Variants in SYNE1 observed in about 807,000 individuals in gnomAD.
SYNE1 encodes nesprin-1.
A neutral mutation model predicts 1,111.0 loss-of-function variants in SYNE1; 616 were observed. The observed-to-expected ratio is 0.55, with a 90% CI of 0.52 to 0.59. The LOEUF is 0.59. SYNE1 is among the 20% of genes least tolerant of loss of function. The pLI is 0.00. For missense variants in SYNE1, 10,006 were observed against 10,417.0 expected, an observed-to-expected ratio of 0.96 and a Z score of 1.72; for synonymous variants, 3,855 against 3,825.8, an observed-to-expected ratio of 1.01 and a Z score of -0.28.
intron 125 of SYNE1, 88 bp from the exon 126 acceptor site, chr6:152,206,450 C>T (rs1587800920): frequency 7.0e-7 from 1 of 1,428,044 alleles, no homozygotes; most frequent in Non-Finnish European, 9.7e-7. Flanking sequence ...TAACTTTTGC[C>T]CTCTTTCATC....
At chr6:152,474,779 T>C (rs1001395888) in intron 14 of SYNE1, 3 of 152,204 alleles carry the variant, frequency 2.0e-5, no homozygotes, top group Non-Finnish European at 4.4e-5. Flanking sequence ...GTTAAATATC[T>C]AAGGTCAAAT....
At chr6:152,634,642 A>G (rs1565328570) in intron 2 of SYNE1, among the ~76,000 whole-genome samples, 1 of 152,258 alleles carries the variant, frequency 6.6e-6, no homozygotes, top group Non-Finnish European at 1.5e-5. Flanking sequence ...CAGAGTAACA[A>G]TAAGAAATGA....
chr6:152,611,966 C>T (rs897994289), intron 3 of SYNE1, among the ~76,000 whole-genome samples: 5 of 151,776 alleles, frequency 3.3e-5, no homozygotes, highest in Admixed American at 6.6e-5. Context: ...AAAGACACAG[C>T]ATACCAGAAT....
chr6:152,532,445 T>C (rs2099208186), intron 4 of SYNE1, among the ~76,000 whole-genome samples: 1 of 152,190 alleles, frequency 6.6e-6, no homozygotes. Flanking sequence ...ATCCTATGGC[T>C]TAATATTTGT....
rs535660505 is a variant in SYNE1, at chr6:152,563,062, A to G, written c.68-23041T>C. Among the ~76,000 whole-genome samples, 276 of 152,066 alleles carry G rather than the reference A, an allele frequency of 1.8e-3. 1 individual carries two copies. The highest frequency in any genetic ancestry group is 6.2e-3 in the African/African-American group (258 of 41,490). ...AATAGAGGAAAAAGAGTACACACAC[A>G]CACACACACACACAGAAAGAGAAAG... On this transcript the variant is annotated intron_variant, in intron 3 of 145. Transcript: ENST00000367255.
At chr6:152,386,424 A>G (rs2097527635) in intron 54 of SYNE1, among the ~76,000 whole-genome samples, 1 of 152,194 alleles carries the variant, frequency 6.6e-6, no homozygotes, top group Admixed American at 6.5e-5. Context: ...AAACAAGCAC[A>G]TCTATTAATA....
intron 21 of SYNE1, 62 bp from the exon 22 acceptor site, chr6:152,458,992 C>T (rs370904973): frequency 6.6e-5 from 94 of 1,424,262 alleles, no homozygotes; most frequent in East Asian, 9.2e-5. Context: ...GCTCAGGGAA[C>T]GTTCATAGCT....
intron 86 of SYNE1, 91 bp from the exon 87 acceptor site, chr6:152,317,077 C>T: frequency 1.4e-6 from 2 of 1,430,164 alleles, no homozygotes; most frequent in Non-Finnish European, 1.9e-6. Flanking sequence ...ACACAACAGT[C>T]TTAGGGGTTG....
At chr6:152,430,438 A>T (rs1344145301) in intron 35 of SYNE1, 44 bp downstream of exon 35, 1 of 1,533,624 alleles carries the variant, frequency 6.5e-7, no homozygotes, top group Non-Finnish European at 9.0e-7. Context: ...CCACAAATAC[A>T]ATGTGAAATA....
chr6:152,473,544 G>T (rs574654695), intron 14 of SYNE1, among the ~76,000 whole-genome samples: 20 of 152,252 alleles, frequency 1.3e-4, no homozygotes, highest in African/African-American at 4.8e-4. Flanking sequence ...ATCACATTTT[G>T]ACCTGCTTTG....
Position 152,364,898 on chromosome 6 carries a change from C to A in SYNE1, c.10094G>T (p.Ser3365Ile). The change falls in exon 63 of 146, where the codon AGT becomes ATT. Residue 3365 changes from serine (S) to isoleucine (I), a missense_variant. By Grantham distance (142) the Ser-to-Ile change is moderately radical. This residue lies in a region of SYNE1 where 4,955 missense variants were observed against 5,017.2 expected (regional missense o/e 0.99). Transcript: ENST00000367255. Reference protein sequence around the residue: ...GIPTIQQQLQSVKDMWASLLS... With the variant: ...GIPTIQQQLQIVKDMWASLLS... Reference sequence around the variant, plus strand: ...AAGGGATGCCCACATATCCTTCACACTCTGCAGCTGCTGCTGAATAGTGGG... The same window carrying A: ...AAGGGATGCCCACATATCCTTCACAATCTGCAGCTGCTGCTGAATAGTGGG... The A allele has an allele frequency of 6.2e-7, 1 of 1,614,200 alleles. No homozygotes were observed. The highest frequency in any genetic ancestry group is 2.2e-5 in the East Asian group (1 of 44,888).
rs567835552 is a variant in SYNE1, at chr6:152,268,208, A to G, written c.18706-43T>C. 6 of 1,473,156 alleles carry G rather than the reference A, an allele frequency of 4.1e-6. No individual in the cohort carries two copies. The South Asian group carries it at 6.8e-5, about 17-fold the overall frequency. 91.3% of individuals were successfully genotyped at this position (1,473,156 alleles called of 1,614,324 possible). A position where few individuals can be genotyped will look rare whatever the true frequency, so the allele number is the denominator to read the frequency against. ...CAAACGCAAACACATTTGCTACTTTATGATTATTGCCTACAATCATAGTTC... is the reference window on the plus strand; with the variant it reads ...CAAACGCAAACACATTTGCTACTTTGTGATTATTGCCTACAATCATAGTTC... On this transcript the variant is annotated intron_variant, in intron 99 of 145. Coordinates refer to ENST00000367255, the MANE Select transcript of SYNE1 (RefSeq NM_182961.4).
rs201956180 is a variant in SYNE1 at position 152,152,077 on chromosome 6, C to T, written c.24194G>A (p.Arg8065His). 5.6e-6 allele frequency: 9 copies of T among 1,614,032 alleles called. No individual in the cohort carries two copies. In the East Asian group the frequency reaches 6.7e-5, roughly 12 times the overall value. Residue 8065 changes from arginine to histidine, a missense_variant, in exon 134 of 146, where the codon CGC becomes CAC. Around this residue, in one of 7 missense-constraint regions of SYNE1, gnomAD observed 2,182 missense variants for 2,287.8 expected, o/e 0.95. Transcript: ENST00000367255. ...ATCAGTGCGGTTCTCCCTGGCCAGG[C>T]GGCGGTACTGCTTGTTGATCAGTTC... Reference protein sequence around the residue: ...QLELINKQYRRLARENRTDSA... With the variant: ...QLELINKQYRHLARENRTDSA...
At chr6:152,615,492 A>G (rs968789518) in intron 3 of SYNE1, among the ~76,000 whole-genome samples, 1 of 152,128 alleles carries the variant, frequency 6.6e-6, no homozygotes, top group Non-Finnish European at 1.5e-5. Context: ...TATATCAGAA[A>G]TAACATTCCT....
intron 123 of SYNE1, among the ~76,000 whole-genome samples, chr6:152,212,498 A>G (rs900227218): frequency 2.0e-5 from 3 of 152,128 alleles, no homozygotes; most frequent in Non-Finnish European, 2.9e-5. Context: ...TTATATAGAC[A>G]TTTCACATTT....
intron 3 of SYNE1, among the ~76,000 whole-genome samples, chr6:152,573,003 C>A (rs1242801054): frequency 6.6e-6 from 1 of 152,090 alleles, no homozygotes. Flanking sequence ...TTGACATTCA[C>A]ACCTCATTGT....
intron 91 of SYNE1, among the ~76,000 whole-genome samples, chr6:152,306,484 TAAAAAATAAATAAATA>T (rs2095379122): frequency 1.2e-5 from 1 of 82,676 alleles, no homozygotes; most frequent in African/African-American, 4.7e-5. Flanking sequence ...AGACTCCATC[TAAAAAATAAATAAATA>T]AATAAATAAA....
chr6:152,301,939 A>T lies in SYNE1; in HGVS notation c.17471T>A (p.Leu5824Gln), dbSNP rs2095193142. 4 of 1,614,060 alleles carry T rather than the reference A, an allele frequency of 2.5e-6. No individual in the cohort carries two copies. Among genetic ancestry groups the T allele is most frequent in the Admixed American group, 1.7e-5 (1 of 60,012 alleles). ...ATCCAGGTCCTCTGTCCCTTCCGCC[A>T]GCCCCTCGACCTCGGTCACCGTCAG... is the stretch of plus-strand genomic sequence containing the variant. ...MLLTVTEVEG[L>Q]AEGTEDLDGE... The change falls in exon 92 of 146, where the codon CTG (leucine) becomes CAG (glutamine). Residue 5824 changes from leucine to glutamine, a missense_variant. Leu to Gln is a moderately radical substitution (Grantham distance 113). This residue lies in a region of SYNE1 where 4,955 missense variants were observed against 5,017.2 expected (regional missense o/e 0.99). Coordinates refer to ENST00000367255, the MANE Select transcript of SYNE1 (RefSeq NM_182961.4).
intron 128 of SYNE1, among the ~76,000 whole-genome samples, chr6:152,187,693 T>C (rs2070606676): frequency 6.6e-6 from 1 of 151,314 alleles, no homozygotes; most frequent in South Asian, 2.1e-4. Context: ...CACACTAGCC[T>C]TAGCTTGCTT....
Sources: allele counts gnomAD v4.1 joint callset (sites outside exome capture counted in the v4.1 genomes callset), GRCh38; gene constraint gnomAD v4.1.1; regional missense constraint gnomAD v4.1.1; transcripts MANE v1.5; gene names NCBI Gene and HGNC (gene_info 2026-07-23, HGNC 2026-07-21).